Variants in PPP4R2 observed in about 807,000 individuals in gnomAD.
PPP4R2 encodes serine/threonine-protein phosphatase 4 regulatory subunit 2.
In PPP4R2, 13 loss-of-function variants were observed where a neutral mutation model predicts 47.2. The observed-to-expected ratio is 0.28, with a 90% CI of 0.18 to 0.44. PPP4R2 has a LOEUF of 0.44. Ranked by LOEUF, PPP4R2 falls within the 20% of genes least tolerant of loss-of-function variation. The probability of loss-of-function intolerance (pLI) is 1.00; values close to 1 mark genes in which losing one functional copy is unlikely to be tolerated. For missense variants in PPP4R2, 421 were observed against 491.2 expected, an observed-to-expected ratio of 0.86 and a Z score of 1.35; for synonymous variants, 151 against 163.3, an observed-to-expected ratio of 0.92 and a Z score of 0.57.
chr3:73,027,682 G>A (rs998843463), intron 2 of PPP4R2: 5 of 141,466 alleles, frequency 3.5e-5, no homozygotes, highest in African/African-American at 7.9e-5. Context: ...GTGTGTGTGT[G>A]TGTTTGTGTG....
At chr3:73,046,968 T>A (rs1702499127) in intron 2 of PPP4R2, among the ~76,000 whole-genome samples, 1 of 152,084 alleles carries the variant, frequency 6.6e-6, no homozygotes, top group African/African-American at 2.4e-5. Flanking sequence ...AAATGAGAGA[T>A]CTGGGTTTTG....
intron 2 of PPP4R2, among the ~76,000 whole-genome samples, chr3:73,020,694 TAAA>T (rs1227598415): frequency 7.5e-6 from 1 of 134,002 alleles, no homozygotes; most frequent in Admixed American, 7.2e-5. Context: ...AAAAAAAAGT[TAAA>T]AAACTTTTTT....
intron 2 of PPP4R2, among the ~76,000 whole-genome samples, chr3:73,038,234 AAAAAAC>A (rs1702303613): frequency 6.6e-6 from 1 of 152,190 alleles, no homozygotes; most frequent in Non-Finnish European, 1.5e-5. Context: ...AGTACAAGTT[AAAAAAC>A]TCAACATCTC....
chr3:73,061,486 A>T (rs977602661), intron 5 of PPP4R2: 2 of 155,154 alleles, frequency 1.3e-5, no homozygotes, highest in African/African-American at 4.8e-5. Context: ...AAATTTGGAT[A>T]CAATTTCTCA....
chr3:73,058,777 T>C (rs1702781113), intron 3 of PPP4R2, among the ~76,000 whole-genome samples: 2 of 151,772 alleles, frequency 1.3e-5, no homozygotes, highest in Non-Finnish European at 2.9e-5. Flanking sequence ...TTGTACCCGT[T>C]AACCATTCCC....
chr3:73,063,158 A>T (rs559104768), intron 5 of PPP4R2: 133 of 472,190 alleles, frequency 2.8e-4, no homozygotes, highest in Non-Finnish European at 4.6e-4. Context: ...AAGATGAGCA[A>T]CCCCACATTT....
rs779552460 is a variant in PPP4R2, at chr3:73,062,788, C to T, written c.420-885C>T. On this transcript the variant is annotated intron_variant, in intron 5 of 8. Transcript: ENST00000356692. ...GCTGATCTGCTAATCAGCTGCAATG[C>T]AGAATCAGCCATAGGTTGGATCAGC... The T allele has an allele frequency of 1.8e-5, 29 of 1,613,804 alleles. No individual in the cohort carries two copies. In the South Asian group the frequency reaches 3.2e-4, roughly 18 times the overall value.
At chr3:73,001,923 G>A (rs1423996050) in intron 2 of PPP4R2, among the ~76,000 whole-genome samples, 2 of 152,084 alleles carry the variant, frequency 1.3e-5, no homozygotes, top group Non-Finnish European at 1.5e-5. Flanking sequence ...CATCGCCCCC[G>A]GCCCCATCTT....
chr3:73,015,783 T>G (rs183557245), intron 2 of PPP4R2: 1 of 442,928 alleles, frequency 2.3e-6, no homozygotes, highest in Admixed American at 2.4e-5. Flanking sequence ...GACTACAGGC[T>G]CCCGCCACCA....
chr3:73,041,186 G>C (rs912108358), intron 2 of PPP4R2, among the ~76,000 whole-genome samples: 1 of 151,970 alleles, frequency 6.6e-6, no homozygotes, highest in Non-Finnish European at 1.5e-5. Flanking sequence ...TATATGTGTG[G>C]GTGTGCTTCT....
chr3:73,000,628 T>A (rs1232921174), intron 2 of PPP4R2, among the ~76,000 whole-genome samples: 1 of 152,120 alleles, frequency 6.6e-6, no homozygotes, highest in African/African-American at 2.4e-5. Context: ...TGTAAACATC[T>A]GATGTAGGAA....
chr3:73,008,094 A>T (rs1701650797), intron 2 of PPP4R2, among the ~76,000 whole-genome samples: 1 of 105,082 alleles, frequency 9.5e-6, no homozygotes, highest in Non-Finnish European at 1.9e-5. Context: ...TGCTTTGGGA[A>T]ATAAGATCTG....
intron 2 of PPP4R2, among the ~76,000 whole-genome samples, chr3:73,015,516 C>T (rs951918560): frequency 6.6e-6 from 1 of 151,274 alleles, no homozygotes; most frequent in African/African-American, 2.4e-5. Context: ...CGCTCTGTCG[C>T]CCAGGCTGGA....
In PPP4R2 at chr3:73,068,486, G is replaced by GA. The variant is rs1703046232; in HGVS notation, c.*2768dup. Reference sequence around the variant, plus strand: ...TTCTGAAAAATGTAGCAGAAGTAGTGAAAATGTCATATTTTAAATGTTGAT... The same window carrying GA: ...TTCTGAAAAATGTAGCAGAAGTAGTGAAAAATGTCATATTTTAAATGTTGAT... On this transcript the variant is annotated 3_prime_UTR_variant, in exon 9 of 9. Coordinates refer to ENST00000356692, the MANE Select transcript of PPP4R2 (RefSeq NM_174907.4). The GA allele has an allele frequency of 6.6e-6, 1 of 152,274 alleles. No individual in the cohort carries two copies. Among genetic ancestry groups the GA allele is most frequent in the African/African-American group, 2.4e-5 (1 of 41,558 alleles). 9.4% of individuals were successfully genotyped at this position (152,274 alleles called of 1,614,324 possible).
chr3:73,043,178 C>T (rs561716124), intron 2 of PPP4R2, among the ~76,000 whole-genome samples: 2 of 152,114 alleles, frequency 1.3e-5, no homozygotes, highest in East Asian at 3.9e-4. Context: ...GTATAACTTG[C>T]CCTGGTATGT....
chr3:73,032,512 T>C (rs1702185704), intron 2 of PPP4R2, among the ~76,000 whole-genome samples: 1 of 152,082 alleles, frequency 6.6e-6, no homozygotes, highest in Admixed American at 6.6e-5. Context: ...TGGTCTTGAT[T>C]TCCTGACCTT....
intron 2 of PPP4R2, among the ~76,000 whole-genome samples, chr3:73,046,441 C>T (rs72877526): frequency 6.6e-6 from 1 of 152,102 alleles, no homozygotes; most frequent in South Asian, 2.1e-4. Context: ...TCCTGACTCC[C>T]GTGTCTCCTG....
At chr3:73,016,739 ATTAT>A (rs1701841219) in intron 2 of PPP4R2, among the ~76,000 whole-genome samples, 1 of 98,494 alleles carries the variant, frequency 1.0e-5, no homozygotes, top group Admixed American at 1.0e-4. Flanking sequence ...GTTTATTTTT[ATTAT>A]TTTTTTTTTT....
intron 3 of PPP4R2, among the ~76,000 whole-genome samples, chr3:73,052,033 A>C (rs1215406218): frequency 6.6e-6 from 1 of 152,194 alleles, no homozygotes; most frequent in African/African-American, 2.4e-5. Flanking sequence ...TTTTCCAAAC[A>C]AGGCCTAGAA....
Sources: gnomAD v4.1 joint callset for allele counts (sites outside exome capture counted in the v4.1 genomes callset) on GRCh38, gnomAD v4.1.1 for gene constraint, MANE v1.5 for transcripts, NCBI Gene and HGNC (gene_info 2026-07-23, HGNC 2026-07-21) for gene names.